The following SDK1 variants were observed in gnomAD, a reference collection of about 807,000 sequenced individuals.
The protein encoded by SDK1 is protein sidekick-1.
In SDK1, 157 loss-of-function variants were observed where a neutral mutation model predicts 245.5. That is an observed-to-expected ratio of 0.64 (90% CI 0.56 to 0.73). The LOEUF (loss-of-function observed/expected upper bound fraction) is 0.73. SDK1 is among the 30% of genes least tolerant of loss of function. The probability of loss-of-function intolerance (pLI) is 0.00; values close to 1 mark genes in which losing one functional copy is unlikely to be tolerated. For synonymous variants in SDK1, 1,647 were observed against 1,278.5 expected, an observed-to-expected ratio of 1.29 and a Z score of -6.15; for missense variants, 3,583 against 3,002.3, an observed-to-expected ratio of 1.19 and a Z score of -4.52.
At chr7:3,518,726 C>T (rs1053996917) in intron 1 of SDK1, among the ~76,000 whole-genome samples, 1 of 151,940 alleles carries the variant, frequency 6.6e-6, no homozygotes, top group Non-Finnish European at 1.5e-5. Context: ...ACACACTATG[C>T]AGGAAAGTAA....
At chr7:3,808,066 C>T (rs1430103449) in intron 4 of SDK1, among the ~76,000 whole-genome samples, 1 of 152,176 alleles carries the variant, frequency 6.6e-6, no homozygotes, top group African/African-American at 2.4e-5. Flanking sequence ...GACTCCCATG[C>T]AGTCATCTCT....
At chr7:3,614,440 A>G (rs1436012517) in intron 1 of SDK1, among the ~76,000 whole-genome samples, 2 of 152,222 alleles carry the variant, frequency 1.3e-5, no homozygotes, top group Non-Finnish European at 2.9e-5. Flanking sequence ...TATGTGGGCC[A>G]TTGGCTTTTC....
At chr7:3,423,573 T>A (rs1417614328) in intron 1 of SDK1, among the ~76,000 whole-genome samples, 1 of 103,208 alleles carries the variant, frequency 9.7e-6, no homozygotes, top group African/African-American at 6.6e-5. Context: ...AAACAGTGGC[T>A]TTTTTTTTTT....
intron 2 of SDK1, among the ~76,000 whole-genome samples, chr7:3,634,237 C>T (rs948188302): frequency 1.3e-5 from 2 of 152,046 alleles, no homozygotes; most frequent in Admixed American, 6.6e-5. Flanking sequence ...TGGTTCAGAT[C>T]CTAGGTAGAC....
chr7:3,578,789 C>T (rs1780389025), intron 1 of SDK1, among the ~76,000 whole-genome samples: 1 of 151,834 alleles, frequency 6.6e-6, no homozygotes, highest in Admixed American at 6.6e-5. Flanking sequence ...GTTGTCTTCC[C>T]TTGTTCCCTA....
intron 5 of SDK1, among the ~76,000 whole-genome samples, chr7:3,825,942 A>G (rs1039570195): frequency 6.6e-6 from 1 of 152,228 alleles, no homozygotes; most frequent in African/African-American, 2.4e-5. Flanking sequence ...CACATCACAA[A>G]TGAGCAATTT....
At chr7:3,636,013 G>A (rs1782447337) in intron 2 of SDK1, among the ~76,000 whole-genome samples, 3 of 152,238 alleles carry the variant, frequency 2.0e-5, no homozygotes, top group African/African-American at 7.2e-5. Context: ...CAAATATGAT[G>A]TACCTTATTC....
At chr7:4,234,353 G>A (rs985769521) in intron 41 of SDK1, among the ~76,000 whole-genome samples, 1 of 152,186 alleles carries the variant, frequency 6.6e-6, no homozygotes, top group Non-Finnish European at 1.5e-5. Flanking sequence ...AGAAGGCCAG[G>A]GCAGGGCTTC....
intron 5 of SDK1, among the ~76,000 whole-genome samples, chr7:3,885,466 C>G (rs1583512559): frequency 6.6e-6 from 1 of 152,198 alleles, no homozygotes; most frequent in Middle Eastern, 3.4e-3. Flanking sequence ...CGTTATTATC[C>G]CTGTGCTTTC....
rs144959988 is a variant in SDK1, at chr7:4,124,892, GTGGA to G, written c.3824-2465_3824-2462del. 7.0e-3 allele frequency among the ~76,000 whole-genome samples: 1,058 copies of G among 150,442 alleles called. 11 individuals are homozygous for G. The highest frequency in any genetic ancestry group is 0.022 in the African/African-American group (887 of 40,912). ...GGGTGGATGGTAGATGAATGGATGG[GTGGA>G]TGGATGGATGGATGGATGGATGGGT... On this transcript the variant is annotated intron_variant, in intron 25 of 44. Transcript: ENST00000404826.
intron 4 of SDK1, among the ~76,000 whole-genome samples, chr7:3,667,437 A>G (rs963376757): frequency 6.6e-6 from 1 of 152,192 alleles, no homozygotes; most frequent in African/African-American, 2.4e-5. Context: ...TTCAGAGGGA[A>G]TATCTTTTTC....
intron 1 of SDK1, among the ~76,000 whole-genome samples, chr7:3,564,447 C>T (rs2128627244): frequency 6.6e-6 from 1 of 152,018 alleles, no homozygotes; most frequent in East Asian, 1.9e-4. Flanking sequence ...CGAGATTGCG[C>T]AACTACTTTC....
chr7:3,779,057 A>AT (rs1174885917), intron 4 of SDK1, among the ~76,000 whole-genome samples: 1 of 152,244 alleles, frequency 6.6e-6, no homozygotes, highest in Non-Finnish European at 1.5e-5. Flanking sequence ...CAAAGGCAGT[A>AT]TTAAATTATG....
At chr7:3,348,148 AATG>A (rs2128556903) in intron 1 of SDK1, among the ~76,000 whole-genome samples, 1 of 152,266 alleles carries the variant, frequency 6.6e-6, no homozygotes, top group African/African-American at 2.4e-5. Flanking sequence ...AGCAAAGCTC[AATG>A]ATGATGCACT....
intron 17 of SDK1, among the ~76,000 whole-genome samples, chr7:4,021,344 A>G (rs1360045408): frequency 6.6e-6 from 1 of 152,176 alleles, no homozygotes; most frequent in Non-Finnish European, 1.5e-5. Flanking sequence ...GGCTATGGAC[A>G]CGAGGGTTGT....
chr7:4,094,012 G>A (rs774282307), intron 22 of SDK1, among the ~76,000 whole-genome samples: 3 of 152,118 alleles, frequency 2.0e-5, no homozygotes, highest in African/African-American at 4.8e-5. Flanking sequence ...CATACAATCC[G>A]GGGGCAGTCC....
intron 5 of SDK1, among the ~76,000 whole-genome samples, chr7:3,829,405 G>A (rs1220512424): frequency 5.3e-5 from 8 of 152,076 alleles, no homozygotes; most frequent in African/African-American, 1.7e-4. Context: ...ATATCGTCAC[G>A]TATATTTTCC....
chr7:3,497,223 CTT>C (rs1420810875), intron 1 of SDK1, among the ~76,000 whole-genome samples: 2 of 152,158 alleles, frequency 1.3e-5, no homozygotes, highest in African/African-American at 4.8e-5. Context: ...AATGGTTACT[CTT>C]TTATTTTTTA....
intron 1 of SDK1, among the ~76,000 whole-genome samples, chr7:3,418,831 C>T (rs1779455664): frequency 6.6e-6 from 1 of 152,092 alleles, no homozygotes; most frequent in African/African-American, 2.4e-5. Flanking sequence ...CCTCATTGTA[C>T]ACCGGGATCT....
Sources: allele counts gnomAD v4.1 joint callset (sites outside exome capture counted in the v4.1 genomes callset), GRCh38; gene constraint gnomAD v4.1.1; transcripts MANE v1.5; gene names NCBI Gene and HGNC (gene_info 2026-07-23, HGNC 2026-07-21).